CACNA2D1: variants seen among roughly 807,000 people sequenced by gnomAD.
CACNA2D1 encodes voltage-dependent calcium channel subunit alpha-2/delta-1.
A neutral mutation model predicts 171.5 loss-of-function variants in CACNA2D1; 53 were observed. The ratio of observed to expected loss-of-function variants is 0.31; its 90% CI spans 0.25 to 0.39. CACNA2D1 has a LOEUF of 0.39. Among genes scored for constraint, CACNA2D1 ranks in the 10% least tolerant of loss-of-function variants. The pLI, the probability that CACNA2D1 is intolerant of heterozygous loss-of-function variation, is 1.00. For synonymous variants in CACNA2D1, 442 were observed against 443.1 expected (o/e 1.00, Z 0.03); for missense variants, 903 against 1,299.8 (o/e 0.69, Z 4.69).
At chr7:81,951,458 G>A (rs566109025) in intron 38 of CACNA2D1, among the ~76,000 whole-genome samples, 9 of 152,042 alleles carry the variant, frequency 5.9e-5, no homozygotes, top group Non-Finnish European at 1.3e-4. Context: ...CCCAAGCAAT[G>A]TACAATGCAC....
intron 3 of CACNA2D1, among the ~76,000 whole-genome samples, chr7:82,185,481 GGGA>G (rs1563172229): frequency 3.5e-5 from 1 of 28,970 alleles, no homozygotes; most frequent in Non-Finnish European, 7.4e-5. Context: ...GGGGGGGAGG[GGGA>G]GGAGGAGGGG....
chr7:82,245,555 T>C lies in CACNA2D1; in HGVS notation c.295-74946A>G, dbSNP rs59398489. ...ATTATCTGTTTTATGAATACAAAAATACAACCCCAAATTTTCCTAGAAGAC... is the reference window on the plus strand; with the variant it reads ...ATTATCTGTTTTATGAATACAAAAACACAACCCCAAATTTTCCTAGAAGAC... On this transcript the variant is annotated intron_variant, in intron 3 of 38. Coordinates refer to ENST00000356860, the MANE Select transcript of CACNA2D1 (RefSeq NM_000722.4). Among the ~76,000 whole-genome samples, 41 of 152,142 alleles carry C rather than the reference T, an allele frequency of 2.7e-4. No individual in the cohort carries two copies. The East Asian group carries it at 7.7e-3, about 29-fold the overall frequency.
chr7:82,281,237 A>T (rs774098041), intron 3 of CACNA2D1, among the ~76,000 whole-genome samples: 6 of 152,174 alleles, frequency 3.9e-5, no homozygotes, highest in Admixed American at 6.5e-5. Context: ...CATTGATAAG[A>T]CTGCTCTTGA....
chr7:82,357,071 AC>A (rs1176476600), intron 1 of CACNA2D1, among the ~76,000 whole-genome samples: 1 of 152,144 alleles, frequency 6.6e-6, no homozygotes, highest in Non-Finnish European at 1.5e-5. Context: ...TATATCCTCT[AC>A]TTCACTTTAT....
intron 8 of CACNA2D1, among the ~76,000 whole-genome samples, chr7:82,065,226 T>A (rs962909668): frequency 6.6e-5 from 10 of 152,304 alleles, no homozygotes; most frequent in Admixed American, 3.9e-4. Flanking sequence ...GTTCTATGTG[T>A]TGAGGAAGCA....
At chr7:82,168,635 C>G (rs1041236260) in intron 4 of CACNA2D1, among the ~76,000 whole-genome samples, 2 of 150,008 alleles carry the variant, frequency 1.3e-5, no homozygotes, top group South Asian at 4.2e-4. Flanking sequence ...TTAATGAGCC[C>G]AATATTAAAG....
chr7:82,235,536 T>C (rs1327651637), intron 3 of CACNA2D1, among the ~76,000 whole-genome samples: 1 of 152,174 alleles, frequency 6.6e-6, no homozygotes, highest in Admixed American at 6.6e-5. Context: ...CTTTAAATTT[T>C]GTTATACCAA....
chr7:82,413,235 A>C (rs1827851967), intron 1 of CACNA2D1, among the ~76,000 whole-genome samples: 1 of 152,176 alleles, frequency 6.6e-6, no homozygotes, highest in Non-Finnish European at 1.5e-5. Flanking sequence ...ATCTGTGCAA[A>C]AGAAACTTCA....
At chr7:82,132,529 A>C (rs1461428794) in intron 5 of CACNA2D1, among the ~76,000 whole-genome samples, 4 of 152,180 alleles carry the variant, frequency 2.6e-5, no homozygotes, top group Non-Finnish European at 5.9e-5. Context: ...CTAAAGGCAA[A>C]GGGCATGTCT....
intron 12 of CACNA2D1, chr7:82,028,166 G>A (rs1584469783): frequency 6.6e-6 from 1 of 151,892 alleles, no homozygotes; most frequent in Non-Finnish European, 1.5e-5. Context: ...GTGACTTTAA[G>A]TGGAAGCCAG....
At chr7:81,992,001 ATT>A (rs11365736) in intron 20 of CACNA2D1, among the ~76,000 whole-genome samples, 1,431 of 138,816 alleles carry the variant, frequency 0.01, 19 homozygotes, top group African/African-American at 0.034. Flanking sequence ...CGCCTGGCTC[ATT>A]TTTTTTTTTT....
intron 38 of CACNA2D1, among the ~76,000 whole-genome samples, chr7:81,958,190 C>CTAATACATCTTTCATTT (rs1793665447): frequency 6.6e-6 from 1 of 151,946 alleles, no homozygotes; most frequent in Admixed American, 6.6e-5. Flanking sequence ...GATTGACTGG[C>CTAATACATCTTTCATTT]TAATACATCT....
chr7:82,219,349 T>C (rs1460840148), intron 3 of CACNA2D1, among the ~76,000 whole-genome samples: 1 of 152,144 alleles, frequency 6.6e-6, no homozygotes, highest in African/African-American at 2.4e-5. Context: ...ATAAGCATAA[T>C]TGGTTCTACA....
At chr7:82,014,594 A>C (rs1800197242) in intron 12 of CACNA2D1, 115 bp from the exon 13 acceptor site, 4 of 691,952 alleles carry the variant, frequency 5.8e-6, no homozygotes, top group Non-Finnish European at 1.0e-5. Context: ...ATGATATGAC[A>C]AGAAAAACTG....
At chr7:82,337,184 G>C (rs1182696367) in intron 2 of CACNA2D1, among the ~76,000 whole-genome samples, 1 of 152,008 alleles carries the variant, frequency 6.6e-6, no homozygotes, top group Non-Finnish European at 1.5e-5. Flanking sequence ...AAATAAATGT[G>C]AAATAAATTA....
chr7:82,069,624 T>C (rs1808073792), intron 7 of CACNA2D1, among the ~76,000 whole-genome samples: 1 of 152,184 alleles, frequency 6.6e-6, no homozygotes, highest in Non-Finnish European at 1.5e-5. Flanking sequence ...AATACTGATA[T>C]ACGTAATAGG....
rs932080938 is a variant in CACNA2D1 at position 82,099,422 on chromosome 7, C to CTTTTTTTTTTTTT, written c.527-14535_527-14523dup. ...ACTCTAAAACAGGTAGCAATACCTT[C>CTTTTTTTTTTTTT]TTTTTTTTTTTTTTTTTTTTTTTTT... is the stretch of plus-strand genomic sequence containing the variant. On this transcript the variant is annotated intron_variant, in intron 6 of 38. Coordinates refer to ENST00000356860, the MANE Select transcript of CACNA2D1 (RefSeq NM_000722.4). 5.0e-4 allele frequency among the ~76,000 whole-genome samples: 20 copies of CTTTTTTTTTTTTT among 40,286 alleles called. 1 individual carries two copies. Among genetic ancestry groups the CTTTTTTTTTTTTT allele is most frequent in the East Asian group, 8.3e-4 (1 of 1,202 alleles). The allele number at this position is 40,286 out of a possible 152,430, so 26.4% of individuals were successfully genotyped here.
In CACNA2D1 at chr7:81,949,362, A is replaced by C. The variant is rs1792288513; in HGVS notation, c.*1030T>G. On this transcript the variant is annotated 3_prime_UTR_variant, in exon 39 of 39. Coordinates refer to ENST00000356860, the MANE Select transcript of CACNA2D1 (RefSeq NM_000722.4). Reference sequence around the variant, plus strand: ...TCAGAGTAGTTTAACAACATTTTAAAGATGACTTAAGTGCATTTACACTGC... The same window carrying C: ...TCAGAGTAGTTTAACAACATTTTAACGATGACTTAAGTGCATTTACACTGC... 6.6e-6 allele frequency: 1 copy of C among 152,066 alleles called. No homozygotes were observed. Among genetic ancestry groups the C allele is most frequent in the Non-Finnish European group, 1.5e-5 (1 of 67,950 alleles). 9.4% of individuals were successfully genotyped at this position (152,066 alleles called of 1,614,324 possible). A position where few individuals can be genotyped will look rare whatever the true frequency, so the allele number is the denominator to read the frequency against.
At chr7:82,292,028 T>C (rs1343085553) in intron 3 of CACNA2D1, among the ~76,000 whole-genome samples, 5 of 151,816 alleles carry the variant, frequency 3.3e-5, no homozygotes, top group Admixed American at 6.6e-5. Flanking sequence ...CATTTTTCTC[T>C]TCCTCAATTT....
Sources: allele counts gnomAD v4.1 joint callset (sites outside exome capture counted in the v4.1 genomes callset), GRCh38; gene constraint gnomAD v4.1.1; transcripts MANE v1.5; gene names NCBI Gene and HGNC (gene_info 2026-07-23, HGNC 2026-07-21).